Variants in BRD9 observed in about 807,000 individuals in gnomAD.
BRD9 encodes the protein bromodomain-containing protein 9.
BRD9 carries 47 observed loss-of-function variants against 68.7 expected under a neutral mutation model. The ratio of observed to expected loss-of-function variants is 0.68; its 90% confidence interval spans 0.54 to 0.87. The LOEUF is 0.87. Among genes scored for constraint, BRD9 ranks in the 40% least tolerant of loss-of-function variants. The pLI is 0.00. For missense variants in BRD9, 670 were observed against 748.4 expected, an observed-to-expected ratio of 0.90 and a Z score of 1.22; for synonymous variants, 313 against 293.9, an observed-to-expected ratio of 1.06 and a Z score of -0.67.
intron 9 of BRD9, 27 bp downstream of exon 9, chr5:881,080 T>A: frequency 1.2e-6 from 2 of 1,611,920 alleles, no homozygotes; most frequent in Non-Finnish European, 8.5e-7. Context: ...ACGGAGAGCA[T>A]AAAGCCAGCC....
intron 14 of BRD9, 23 bp downstream of exon 14, chr5:870,450 G>T (rs1749974009): frequency 6.4e-7 from 1 of 1,573,948 alleles, no homozygotes; most frequent in Non-Finnish European, 8.7e-7. Flanking sequence ...AGGTGCTGTG[G>T]GAAAGTGCCT....
At position 891,841 on chromosome 5, in the gene BRD9, C is replaced by T. The variant is rs565560689; in HGVS notation, c.66G>A (p.Lys22=). ...CTAGCTTTAGAGGCTTCTCCAGGGGCTTGTCGGCATAATCTGCACAGACAC... is the reference window on the plus strand; with the variant it reads ...CTAGCTTTAGAGGCTTCTCCAGGGGTTTGTCGGCATAATCTGCACAGACAC... ...WRSSYEDYAD[K]PLEKPLKLVL... The change falls in exon 2 of 16, where the codon AAG becomes AAA. Residue 22 remains lysine (K), a synonymous_variant. Transcript: ENST00000467963. 78 of 1,551,422 alleles carry T rather than the reference C, an allele frequency of 5.0e-5. No individual in the cohort carries two copies. In the African/African-American group the frequency reaches 5.7e-4, roughly 11 times the overall value.
intron 7 of BRD9, among the ~76,000 whole-genome samples, chr5:884,424 C>T (rs1390966442): frequency 6.6e-6 from 1 of 152,242 alleles, no homozygotes; most frequent in South Asian, 2.1e-4. Context: ...GGAAAAGCCA[C>T]CCCTGACTAC....
intron 14 of BRD9, 190 bp from the exon 15 acceptor site, chr5:865,771 T>C: frequency 1.7e-6 from 1 of 585,608 alleles, no homozygotes; most frequent in South Asian, 2.6e-5. Flanking sequence ...TAGCAGTGAG[T>C]GAAGGGAAGG....
In BRD9 at chr5:863,781, G is replaced by A. The variant is rs1300137670; in HGVS notation, c.*687C>T. On this transcript the variant is annotated 3_prime_UTR_variant, in exon 16 of 16. Coordinates refer to ENST00000467963, the MANE Select transcript of BRD9 (RefSeq NM_023924.5). ...TTTTATGGACACGGAACGCTCCACT[G>A]TAACGGGCAGGCAGAACACACTCCT... is the stretch of plus-strand genomic sequence containing the variant. The A allele has an allele frequency of 6.6e-6, 1 of 152,270 alleles. No homozygotes were observed. The highest frequency in any genetic ancestry group is 1.9e-4 in the East Asian group (1 of 5,200). The allele number at this position is 152,270 out of a possible 1,614,324, so 9.4% of individuals were successfully genotyped here.
chr5:891,910 C>A (rs1253463694), intron 1 of BRD9, 56 bp from the exon 2 acceptor site: 3 of 1,543,018 alleles, frequency 1.9e-6, no homozygotes, highest in Non-Finnish European at 2.6e-6. Context: ...CGCCACGCAG[C>A]CAGGTGAGAC....
In BRD9 at chr5:876,227, G is replaced by A. The variant is rs773082185; in HGVS notation, c.1272-15C>T. 1.2e-6 allele frequency: 2 copies of A among 1,602,388 alleles called. No individual in the cohort carries two copies. The highest frequency in any genetic ancestry group is 2.2e-5 in the East Asian group (1 of 44,776). ...ACTCCTGCAGGCTAGAGGGGCCGCG[G>A]GAGAAGGTACGCTGAAAGGAGCCCT... On this transcript the variant is annotated splice_polypyrimidine_tract_variant and intron_variant, in intron 11 of 15. Coordinates refer to ENST00000467963, the MANE Select transcript of BRD9 (RefSeq NM_023924.5).
At chr5:871,275 A>G (rs1334271511) in intron 13 of BRD9, among the ~76,000 whole-genome samples, 1 of 152,214 alleles carries the variant, frequency 6.6e-6, no homozygotes, top group Non-Finnish European at 1.5e-5. Flanking sequence ...GGTGTCCCAC[A>G]AGGACAGCAC....
intron 3 of BRD9, among the ~76,000 whole-genome samples, chr5:890,772 T>TC (rs1753235928): frequency 6.6e-6 from 1 of 152,084 alleles, no homozygotes; most frequent in Non-Finnish European, 1.5e-5. Flanking sequence ...AAAACCAAAC[T>TC]TCAAGACCCA....
intron 14 of BRD9, 191 bp downstream of exon 14, chr5:870,282 C>T (rs908938634): frequency 3.5e-6 from 2 of 572,544 alleles, no homozygotes; most frequent in Admixed American, 3.0e-5. Context: ...AAAAAAGACA[C>T]AACACTCAGG....
intron 11 of BRD9, among the ~76,000 whole-genome samples, chr5:877,563 T>G (rs1394967304): frequency 1.3e-5 from 2 of 152,226 alleles, no homozygotes; most frequent in East Asian, 3.8e-4. Context: ...CATTAAAAAC[T>G]GCCAAATTTT....
rs544065337 is a variant in BRD9, at chr5:881,411, G to A, written c.967-229C>T. On this transcript the variant is annotated intron_variant, in intron 8 of 15. Coordinates refer to ENST00000467963, the MANE Select transcript of BRD9 (RefSeq NM_023924.5). ...AGGCTCCCCATGGCCCTGCTATAGG[G>A]GGTACAGCTGAAACAAAAACCTTCA... 2.2e-5 allele frequency: 13 copies of A among 578,948 alleles called. No individual in the cohort carries two copies. In the East Asian group the frequency reaches 3.7e-4, roughly 17 times the overall value. 35.9% of individuals were successfully genotyped at this position (578,948 alleles called of 1,614,324 possible).
In BRD9 at chr5:870,544, G is replaced by C. The variant is rs747001701; in HGVS notation, c.1454C>G (p.Ser485Cys). The C allele has an allele frequency of 8.7e-6, 14 of 1,614,074 alleles. No homozygotes were observed. Among genetic ancestry groups the C allele is most frequent in the Non-Finnish European group, 1.2e-5 (14 of 1,180,042 alleles). The change falls in exon 14 of 16, where the codon TCT becomes TGT. Residue 485 changes from serine to cysteine, a missense_variant. Transcript: ENST00000467963. ...VGDTLGDSSS[S>C]VLEFMSMKSY... ...CTTCATCGACATGAACTCCAGAACAGAGCTGCTGCTGTCTCCTAGGGTGTC... is the reference window on the plus strand; with the variant it reads ...CTTCATCGACATGAACTCCAGAACACAGCTGCTGCTGTCTCCTAGGGTGTC...
At chr5:870,033 G>A (rs942206662) in intron 14 of BRD9, among the ~76,000 whole-genome samples, 4 of 152,194 alleles carry the variant, frequency 2.6e-5, no homozygotes, top group Admixed American at 2.0e-4. Context: ...TTTATTCTGC[G>A]GGGTGTCACC....
intron 14 of BRD9, among the ~76,000 whole-genome samples, chr5:869,693 T>C (rs1290310585): frequency 6.6e-6 from 1 of 152,270 alleles, no homozygotes; most frequent in Non-Finnish European, 1.5e-5. Context: ...CACATTTCTT[T>C]CTGACTTCAG....
At chr5:871,270 C>T (rs1750089310) in intron 13 of BRD9, among the ~76,000 whole-genome samples, 1 of 152,248 alleles carries the variant, frequency 6.6e-6, no homozygotes, top group Admixed American at 6.5e-5. Flanking sequence ...GCAAGGGTGT[C>T]CCACAAGGAC....
rs1250562855 is a variant in BRD9 at position 863,804 on chromosome 5, C to T, written c.*664G>A. The stretch of plus-strand genomic sequence containing the variant: ...CTGTAACGGGCAGGCAGAACACACT[C>T]CTTTCCCAGGCTCATCAATTAAACA... On this transcript the variant is annotated 3_prime_UTR_variant, in exon 16 of 16. Coordinates refer to ENST00000467963, the MANE Select transcript of BRD9 (RefSeq NM_023924.5). 1.3e-5 allele frequency: 2 copies of T among 152,314 alleles called. No individual in the cohort carries two copies. Among genetic ancestry groups the T allele is most frequent in the Non-Finnish European group, 2.9e-5 (2 of 68,094 alleles). 9.4% of individuals were successfully genotyped at this position (152,314 alleles called of 1,614,324 possible). A position where few individuals can be genotyped will look rare whatever the true frequency, so the allele number is the denominator to read the frequency against.
chr5:891,963 G>A, intron 1 of BRD9, 109 bp from the exon 2 acceptor site: 1 of 1,458,768 alleles, frequency 6.9e-7, no homozygotes, highest in Admixed American at 2.5e-5. Flanking sequence ...GGAGTACAGC[G>A]GGGCTGCCAA....
intron 11 of BRD9, 146 bp downstream of exon 11, chr5:878,209 G>C: frequency 8.2e-7 from 1 of 1,213,332 alleles, no homozygotes; most frequent in Admixed American, 2.3e-5. Context: ...GTGGATGACT[G>C]AAAGCAACGG....
Sources: allele counts gnomAD v4.1 joint callset (sites outside exome capture counted in the v4.1 genomes callset), GRCh38; gene constraint gnomAD v4.1.1; transcripts MANE v1.5; gene names NCBI Gene and HGNC (gene_info 2026-07-23, HGNC 2026-07-21).